Variants in FAM53A observed in about 807,000 individuals in gnomAD.
FAM53A encodes family with sequence similarity 53 member A.
A neutral mutation model predicts 26.6 loss-of-function variants in FAM53A; 28 were observed. The observed-to-expected ratio is 1.05, with a 90% CI of 0.78 to 1.45. The LOEUF (loss-of-function observed/expected upper bound fraction) is 1.45. Among genes scored for constraint, FAM53A ranks in the 40% most tolerant of loss-of-function variants. FAM53A has a pLI of 0.00. For missense variants in FAM53A, 650 were observed against 575.8 expected (o/e 1.13, Z -1.32); for synonymous variants, 290 against 253.1 (o/e 1.15, Z -1.38).
intron 1 of FAM53A, among the ~76,000 whole-genome samples, chr4:1,669,976 G>A (rs1312384512): frequency 2.6e-5 from 4 of 152,202 alleles, no homozygotes; most frequent in East Asian, 3.9e-4. Context: ...GATTAAGGGC[G>A]GACAGGACGC....
At chr4:1,614,714 AC>A (rs1232046935), downstream of FAM53A, among the ~76,000 whole-genome samples, 2 of 152,116 alleles carry the variant, frequency 1.3e-5, no homozygotes, top group African/African-American at 4.8e-5. Flanking sequence ...TCCGGTCACA[AC>A]AGCTCCGTCC....
chr4:1,621,354 T>A (rs549042217), intron 1 of FAM53A, among the ~76,000 whole-genome samples: 2 of 152,266 alleles, frequency 1.3e-5, no homozygotes, highest in East Asian at 3.9e-4. Context: ...TCCACCCGCC[T>A]CGGCCTCCCA....
intron 2 of FAM53A, among the ~76,000 whole-genome samples, chr4:1,662,888 C>T (rs111870032): frequency 1.8e-4 from 28 of 152,112 alleles, no homozygotes; most frequent in African/African-American, 5.8e-4. Flanking sequence ...CAATAACACG[C>T]GTTGATGAGA....
chr4:1,616,530 A>AAAC (rs890118235), downstream of FAM53A, among the ~76,000 whole-genome samples: 4 of 143,892 alleles, frequency 2.8e-5, no homozygotes, highest in South Asian at 6.3e-4. Context: ...TCACGTCTCA[A>AAAC]AACAACAACA....
downstream of FAM53A, among the ~76,000 whole-genome samples, chr4:1,635,673 G>T (rs796524612): frequency 2.6e-5 from 4 of 151,932 alleles, no homozygotes; most frequent in South Asian, 6.2e-4. Flanking sequence ...GATCTGCCGC[G>T]CCCACTGCCA....
downstream of FAM53A, among the ~76,000 whole-genome samples, chr4:1,614,469 G>A (rs1433754031): frequency 1.4e-5 from 2 of 143,914 alleles, no homozygotes; most frequent in African/African-American, 2.6e-5. Flanking sequence ...AGAGACGTGA[G>A]GGGGATGCAG....
At chr4:1,665,949 T>C (rs183837563) in intron 2 of FAM53A, among the ~76,000 whole-genome samples, 1 of 149,448 alleles carries the variant, frequency 6.7e-6, no homozygotes, top group Admixed American at 6.7e-5. Context: ...AAATAAAACC[T>C]GCACCTGCAC....
At chr4:1,642,364 G>C (rs979213383) in intron 4 of FAM53A, among the ~76,000 whole-genome samples, 1 of 152,232 alleles carries the variant, frequency 6.6e-6, no homozygotes, top group African/African-American at 2.4e-5. Flanking sequence ...TCCACAGCAG[G>C]TCCCTGAGTG....
the FAM53A span, among the ~76,000 whole-genome samples, chr4:1,576,960 G>T: frequency 6.6e-6 from 1 of 152,090 alleles, no homozygotes; most frequent in Non-Finnish European, 1.5e-5. Flanking sequence ...GCCTTCCAAG[G>T]GTGCCCCCGC....
the FAM53A span, among the ~76,000 whole-genome samples, chr4:1,580,510 C>A: frequency 2.6e-5 from 4 of 151,346 alleles, no homozygotes; most frequent in Non-Finnish European, 5.9e-5. Context: ...CCCCAGACCC[C>A]ACCCGCCTCC....
the FAM53A span, among the ~76,000 whole-genome samples, chr4:1,584,043 A>G: frequency 2.0e-5 from 3 of 152,150 alleles, no homozygotes; most frequent in African/African-American, 7.2e-5. Flanking sequence ...TGTCTTCTTC[A>G]AGGTGATTGA....
rs1361245543 is a variant in FAM53A at position 1,621,715 on chromosome 4, C to A, written c.432-3604G>T. Among the ~76,000 whole-genome samples the A allele has an allele frequency of 7.2e-5, 11 of 152,344 alleles. No individual in the cohort carries two copies. In the East Asian group the frequency reaches 2.1e-3, roughly 29 times the overall value. ...AGGCTGTCACAAGGTCCCTGCCTTC[C>A]CCAGCTCTGAGACCCCAGCCTGGGT... On this transcript the variant is annotated intron_variant, in intron 1 of 1. Coordinates refer to the FAM53A transcript ENST00000489029.
At chr4:1,602,107 C>G in the FAM53A span, among the ~76,000 whole-genome samples, 146 of 152,228 alleles carry the variant, frequency 9.6e-4, 1 homozygote, top group African/African-American at 3.3e-3. Flanking sequence ...ATGGTGGTGC[C>G]GGCGGCTACA....
chr4:1,642,682 T>G (rs1232595049), intron 4 of FAM53A, among the ~76,000 whole-genome samples: 1 of 38,024 alleles, frequency 2.6e-5, no homozygotes, highest in Non-Finnish European at 5.9e-5. Context: ...CCCCGCCACC[T>G]CCCAGTCCTT....
chr4:1,666,822 C>T (rs1459269662), intron 2 of FAM53A, among the ~76,000 whole-genome samples: 1 of 152,206 alleles, frequency 6.6e-6, no homozygotes, highest in Non-Finnish European at 1.5e-5. Context: ...GGTGAAACCC[C>T]GTCTCTACTA....
At chr4:1,672,537 G>A (rs1714755754) in intron 1 of FAM53A, among the ~76,000 whole-genome samples, 1 of 152,156 alleles carries the variant, frequency 6.6e-6, no homozygotes. Flanking sequence ...CAACACAACA[G>A]TCTCAGGCAA....
chr4:1,668,557 C>A, intron 2 of FAM53A, 110 bp downstream of exon 2: 4 of 1,259,590 alleles, frequency 3.2e-6, no homozygotes, highest in Non-Finnish European at 4.5e-6. Context: ...CCAGCAGGGC[C>A]CCCCAGGCCC....
intron 1 of FAM53A, among the ~76,000 whole-genome samples, chr4:1,670,341 G>C (rs975330616): frequency 1.3e-5 from 2 of 152,256 alleles, no homozygotes; most frequent in Non-Finnish European, 2.9e-5. Context: ...ATGAGGGCCA[G>C]GGCAAAGGCG....
At chr4:1,599,821 G>A in the FAM53A span, among the ~76,000 whole-genome samples, 561 of 152,300 alleles carry the variant, frequency 3.7e-3, 6 homozygotes, top group African/African-American at 0.013. The surrounding 1 kb of genome is among the most constrained non-coding windows in gnomAD (Gnocchi z 6.1). Context: ...GTCCCAGTGG[G>A]GCCAGTGGCG....
Sources: allele counts gnomAD v4.1 joint callset (sites outside exome capture counted in the v4.1 genomes callset), GRCh38; gene constraint gnomAD v4.1.1; non-coding constraint Gnocchi (gnomAD v3.1); transcripts MANE v1.5; gene names NCBI Gene and HGNC (gene_info 2026-07-23, HGNC 2026-07-21).